KIRREL3: variants seen among roughly 807,000 people sequenced by gnomAD.
The protein encoded by KIRREL3 is kin of IRRE-like protein 3.
A neutral mutation model predicts 89.7 loss-of-function variants in KIRREL3; 36 were observed. The ratio of observed to expected loss-of-function variants is 0.40; its 90% CI spans 0.31 to 0.53. KIRREL3 has a LOEUF of 0.53. Ranked by LOEUF, KIRREL3 falls within the 20% of genes least tolerant of loss-of-function variation. The probability of loss-of-function intolerance (pLI) is 0.49; values close to 1 mark genes in which losing one functional copy is unlikely to be tolerated. For synonymous variants in KIRREL3, 445 were observed against 441.4 expected (o/e 1.01, Z -0.10); for missense variants, 864 against 1,056.6 (o/e 0.82, Z 2.53).
At chr11:126,741,867 G>A (rs1451134285) in intron 1 of KIRREL3, among the ~76,000 whole-genome samples, 1 of 152,226 alleles carries the variant, frequency 6.6e-6, no homozygotes, top group Non-Finnish European at 1.5e-5. Context: ...TGAAGCCTAG[G>A]AAAGTTCAAT....
chr11:126,922,743 A>AACC (rs1947405130), intron 1 of KIRREL3, among the ~76,000 whole-genome samples: 2 of 151,868 alleles, frequency 1.3e-5, no homozygotes, highest in Non-Finnish European at 2.9e-5. Context: ...CAACAACAAC[A>AACC]ACCTCCCTTC....
rs1276433440 is a variant in KIRREL3 at position 126,454,128 on chromosome 11, G to A, written c.848+2221C>T. On this transcript the variant is annotated intron_variant, in intron 7 of 16. Coordinates refer to ENST00000525144, the MANE Select transcript of KIRREL3 (RefSeq NM_032531.4). This position sits in a 1 kb window ranked among gnomAD's most constrained non-coding sequence, Gnocchi z 5.8. ...TCACCAGCTGTTAACATTTTCTCAC[G>A]CGTGCTTTGCGGAGACCTCTCCTCT... 1.3e-5 allele frequency among the ~76,000 whole-genome samples: 2 copies of A among 152,016 alleles called. No individual in the cohort carries two copies. Among genetic ancestry groups the A allele is most frequent in the African/African-American group, 4.8e-5 (2 of 41,402 alleles).
chr11:126,899,965 C>CA (rs1381503242), intron 1 of KIRREL3, among the ~76,000 whole-genome samples: 1 of 152,168 alleles, frequency 6.6e-6, no homozygotes, highest in Non-Finnish European at 1.5e-5. Context: ...TCTACAAAGC[C>CA]AAAACCGCTC....
At chr11:126,922,706 G>GAGC (rs542177903) in intron 1 of KIRREL3, among the ~76,000 whole-genome samples, 91 of 149,510 alleles carry the variant, frequency 6.1e-4, no homozygotes, top group South Asian at 1.7e-3. Flanking sequence ...AAAGCAGCAG[G>GAGC]AGCAGCAGCA....
At position 126,694,521 on chromosome 11, in the gene KIRREL3, C is replaced by T. The variant is rs578191863; in HGVS notation, c.56-131609G>A. ...TGCTCAGGCCTCCATCAGCTCCAGG[C>T]GGGTGTGGGGAATGCTGTTCTAGGG... On this transcript the variant is annotated intron_variant, in intron 1 of 16. Transcript: ENST00000525144. This position sits in a 1 kb window ranked among gnomAD's most constrained non-coding sequence, Gnocchi z 4.4. 6.6e-5 allele frequency among the ~76,000 whole-genome samples: 10 copies of T among 152,142 alleles called. No homozygotes were observed. The highest frequency in any genetic ancestry group is 3.9e-4 in the Admixed American group (6 of 15,286).
At chr11:126,707,972 A>C (rs1947602694) in intron 1 of KIRREL3, among the ~76,000 whole-genome samples, 1 of 152,126 alleles carries the variant, frequency 6.6e-6, no homozygotes, top group Non-Finnish European at 1.5e-5. Flanking sequence ...GCTCGCTTGC[A>C]GTATTACATG....
chr11:126,741,690 T>A (rs1948988803), intron 1 of KIRREL3, among the ~76,000 whole-genome samples: 1 of 152,130 alleles, frequency 6.6e-6, no homozygotes, highest in South Asian at 2.1e-4. Flanking sequence ...AAAGGAGAGA[T>A]CCCTAAGTGG....
At chr11:126,727,409 A>C (rs1028788837) in intron 1 of KIRREL3, among the ~76,000 whole-genome samples, 3 of 152,242 alleles carry the variant, frequency 2.0e-5, no homozygotes, top group Non-Finnish European at 4.4e-5. Flanking sequence ...CAGAGCTTAC[A>C]GATTTAAACT....
At chr11:126,803,237 G>A (rs1951096633) in intron 1 of KIRREL3, among the ~76,000 whole-genome samples, 1 of 152,184 alleles carries the variant, frequency 6.6e-6, no homozygotes, top group African/African-American at 2.4e-5. Flanking sequence ...GCTGTTTAGA[G>A]GAAGGTGGAA....
At chr11:126,536,642 C>CTTTT (rs145142970) in intron 2 of KIRREL3, among the ~76,000 whole-genome samples, 30 of 77,170 alleles carry the variant, frequency 3.9e-4, no homozygotes, top group African/African-American at 4.6e-4. Flanking sequence ...CTGGGCAATG[C>CTTTT]TTTTTTTTTT....
At chr11:126,986,922 T>C (rs929311177) in intron 1 of KIRREL3, among the ~76,000 whole-genome samples, 3 of 152,216 alleles carry the variant, frequency 2.0e-5, no homozygotes, top group African/African-American at 7.2e-5. Context: ...TCAGCCTTGA[T>C]GGCACCTGTG....
chr11:126,562,924 G>A lies in KIRREL3; in HGVS notation c.56-12C>T, dbSNP rs768080521. 1 of 1,611,232 alleles carries A rather than the reference G, an allele frequency of 6.2e-7. No homozygotes were observed. Among genetic ancestry groups the A allele is most frequent in the Non-Finnish European group, 8.5e-7 (1 of 1,177,566 alleles). ...CTGGAGGCCCAGCTCTGGAAGAGAA[G>A]CATAGGTGGGTGAGTTGGGAATGGG... On this transcript the variant is annotated splice_polypyrimidine_tract_variant and intron_variant, in intron 1 of 16. Coordinates refer to ENST00000525144, the MANE Select transcript of KIRREL3 (RefSeq NM_032531.4). The surrounding 1 kb of genome is among the most constrained non-coding windows in gnomAD (Gnocchi z 4.7).
At chr11:126,466,884 C>T (rs1956741834) in intron 5 of KIRREL3, among the ~76,000 whole-genome samples, 1 of 152,160 alleles carries the variant, frequency 6.6e-6, no homozygotes, top group African/African-American at 2.4e-5. Context: ...TCATGGTGGG[C>T]CACTCACTGT....
intron 4 of KIRREL3, among the ~76,000 whole-genome samples, chr11:126,481,204 TAG>T (rs1461279128): frequency 6.6e-6 from 1 of 152,222 alleles, no homozygotes; most frequent in Non-Finnish European, 1.5e-5. Flanking sequence ...GGGCAGGGAA[TAG>T]ATACATCCTA....
Position 126,912,804 on chromosome 11 carries a change from A to T in KIRREL3, c.55+87651T>A, listed in dbSNP as rs1163569753. Among the ~76,000 whole-genome samples the T allele has an allele frequency of 2.6e-5, 4 of 152,230 alleles. No homozygotes were observed. The highest frequency in any genetic ancestry group is 9.6e-5 in the African/African-American group (4 of 41,472). On this transcript the variant is annotated intron_variant, in intron 1 of 16. Coordinates refer to ENST00000525144, the MANE Select transcript of KIRREL3 (RefSeq NM_032531.4). This position sits in a 1 kb window ranked among gnomAD's most constrained non-coding sequence, Gnocchi z 4.7. ...GGCAGGTGAAGTATAGCGAAGAGGA[A>T]CTTGGCGTGATAATGGAACCTAGTG... is the stretch of plus-strand genomic sequence containing the variant.
chr11:126,856,518 T>C (rs1347333254), intron 1 of KIRREL3, among the ~76,000 whole-genome samples: 3 of 150,520 alleles, frequency 2.0e-5, no homozygotes. Context: ...ATAATCACTA[T>C]TAGCATATTG....
At chr11:126,848,728 T>C (rs1944234915) in intron 1 of KIRREL3, among the ~76,000 whole-genome samples, 1 of 152,202 alleles carries the variant, frequency 6.6e-6, no homozygotes, top group South Asian at 2.1e-4. Context: ...CTCAATGTTT[T>C]CTTAAATTGA....
chr11:126,924,988 A>G lies in KIRREL3; in HGVS notation c.55+75467T>C, dbSNP rs1419705879. 2.8e-5 allele frequency among the ~76,000 whole-genome samples: 4 copies of G among 144,828 alleles called. No individual in the cohort carries two copies. Among genetic ancestry groups the G allele is most frequent in the Non-Finnish European group, 6.1e-5 (4 of 65,864 alleles). On this transcript the variant is annotated intron_variant, in intron 1 of 16. Coordinates refer to ENST00000525144, the MANE Select transcript of KIRREL3 (RefSeq NM_032531.4). The surrounding 1 kb of genome is among the most constrained non-coding windows in gnomAD (Gnocchi z 4.7). ...GGGATAAAATTGAAAAAAAAAAAAA[A>G]CAGTCCTAGGAGTTATGCCCTTAGG...
rs1316091153 is a variant in KIRREL3, at chr11:126,863,470, TGTG to T, written c.55+136982_55+136984del. Among the ~76,000 whole-genome samples, 6 of 104,704 alleles carry T rather than the reference TGTG, an allele frequency of 5.7e-5. No homozygotes were observed. In the East Asian group the frequency reaches 2.2e-3, roughly 38 times the overall value. The allele number at this position is 104,704 out of a possible 152,430, so 68.7% of individuals were successfully genotyped here. A position where few individuals can be genotyped will look rare whatever the true frequency, so the allele number is the denominator to read the frequency against. ...GTGTGTGTGTTTGAGTGCGTGTGTG[TGTG>T]AGTGCGTGTGTGAGTGCGTGTGTGA... On this transcript the variant is annotated intron_variant, in intron 1 of 16. Coordinates refer to ENST00000525144, the MANE Select transcript of KIRREL3 (RefSeq NM_032531.4).
Sources: allele counts gnomAD v4.1 joint callset (sites outside exome capture counted in the v4.1 genomes callset), GRCh38; gene constraint gnomAD v4.1.1; non-coding constraint Gnocchi (gnomAD v3.1); transcripts MANE v1.5; gene names NCBI Gene and HGNC (gene_info 2026-07-23, HGNC 2026-07-21).